Variants in SCN2A observed in about 807,000 individuals in gnomAD.
The protein encoded by SCN2A is sodium channel protein type 2 subunit alpha.
In SCN2A, 20 loss-of-function variants were observed where a neutral mutation model predicts 188.7. The ratio of observed to expected loss-of-function variants is 0.11; its 90% CI spans 0.07 to 0.15. SCN2A has a LOEUF of 0.15. SCN2A is among the 10% of genes least tolerant of loss of function. The pLI is 1.00. For synonymous variants in SCN2A, 804 were observed against 833.1 expected (o/e 0.97, Z 0.60); for missense variants, 1,278 against 2,445.0 (o/e 0.52, Z 10.07).
chr2:165,311,620 A>G (rs1697433060), intron 7 of SCN2A, among the ~76,000 whole-genome samples: 1 of 152,088 alleles, frequency 6.6e-6, no homozygotes, highest in South Asian at 2.1e-4. Context: ...TGGGGAGAAA[A>G]GTATATGTAA....
At chr2:165,354,086 T>A in intron 16 of SCN2A, 106 bp from the exon 17 acceptor site, 2 of 1,345,496 alleles carry the variant, frequency 1.5e-6, no homozygotes, top group Non-Finnish European at 2.1e-6. Flanking sequence ...CAGAAATGCA[T>A]GTTAGAATAA....
intron 1 of SCN2A, among the ~76,000 whole-genome samples, chr2:165,249,661 T>G (rs1426299540): frequency 3.9e-5 from 6 of 152,022 alleles, no homozygotes; most frequent in Non-Finnish European, 8.8e-5. Context: ...TACCTTAGTT[T>G]ATATAAATCA....
At chr2:165,315,825 T>C in intron 11 of SCN2A, 67 bp downstream of exon 11, 4 of 1,561,416 alleles carry the variant, frequency 2.6e-6, no homozygotes, top group South Asian at 1.2e-5. Context: ...CAGAATTTAA[T>C]GGAGAGAAAA....
chr2:165,345,021 T>C, intron 16 of SCN2A, 110 bp downstream of exon 16: 1 of 1,345,914 alleles, frequency 7.4e-7, no homozygotes, highest in Non-Finnish European at 1.0e-6. Flanking sequence ...CCACTTCCTA[T>C]TGTCTATTAC....
chr2:165,242,001 C>T (rs1188236838), intron 1 of SCN2A, among the ~76,000 whole-genome samples: 1 of 152,094 alleles, frequency 6.6e-6, no homozygotes. Context: ...ATAACCCAAT[C>T]TGTTTGAAGC....
intron 1 of SCN2A, among the ~76,000 whole-genome samples, chr2:165,241,809 T>TG (rs142957162): frequency 1.3e-4 from 20 of 152,144 alleles, no homozygotes; most frequent in African/African-American, 4.8e-4. Flanking sequence ...TTTCTGTCCA[T>TG]GGGGGGCTCA....
intron 1 of SCN2A, among the ~76,000 whole-genome samples, chr2:165,253,705 A>G (rs1435204805): frequency 6.6e-6 from 1 of 152,092 alleles, no homozygotes; most frequent in Non-Finnish European, 1.5e-5. Flanking sequence ...GTCACATTAC[A>G]CTACAATGAT....
chr2:165,335,462 TA>T (rs1199049152), intron 14 of SCN2A, among the ~76,000 whole-genome samples: 1 of 151,768 alleles, frequency 6.6e-6, no homozygotes, highest in East Asian at 1.9e-4. Flanking sequence ...ATATTTATGT[TA>T]AATTAATTTT....
intron 1 of SCN2A, among the ~76,000 whole-genome samples, chr2:165,252,329 TA>T (rs2106070455): frequency 6.6e-6 from 1 of 152,224 alleles, no homozygotes; most frequent in African/African-American, 2.4e-5. Context: ...TTAACTAGTA[TA>T]AATATATCAT....
intron 1 of SCN2A, among the ~76,000 whole-genome samples, chr2:165,263,661 T>A (rs1694707144): frequency 6.6e-6 from 1 of 152,108 alleles, no homozygotes; most frequent in South Asian, 2.1e-4. Flanking sequence ...GCCTCCAAAT[T>A]TGTTCTTTCT....
intron 11 of SCN2A, among the ~76,000 whole-genome samples, chr2:165,320,665 G>T (rs1244311799): frequency 2.0e-5 from 3 of 152,306 alleles, no homozygotes; most frequent in South Asian, 2.1e-4. Context: ...AGCTGCCAAG[G>T]CTTGAGGCTT....
At chr2:165,247,214 T>A (rs1693885587) in intron 1 of SCN2A, among the ~76,000 whole-genome samples, 1 of 152,232 alleles carries the variant, frequency 6.6e-6, no homozygotes, top group African/African-American at 2.4e-5. Context: ...TTTAGCTCTT[T>A]ATTATATTTG....
At chr2:165,348,553 C>T (rs748723909) in intron 16 of SCN2A, among the ~76,000 whole-genome samples, 3 of 151,984 alleles carry the variant, frequency 2.0e-5, no homozygotes, top group Non-Finnish European at 4.4e-5. Flanking sequence ...TAACAAGAAA[C>T]ATAAACAGTG....
At chr2:165,319,530 T>C (rs1697960104) in intron 11 of SCN2A, among the ~76,000 whole-genome samples, 1 of 152,174 alleles carries the variant, frequency 6.6e-6, no homozygotes, top group Non-Finnish European at 1.5e-5. Flanking sequence ...TTCATGCTGC[T>C]GATAAAGTTA....
Position 165,310,505 on chromosome 2 carries a change from T to C in SCN2A, c.880T>C (p.Ser294Pro). Reference sequence around the variant, plus strand: ...TTCTTCCTTTGAAATAAATATCACTTCCTTCTTTAACAATTCATTGGATGG... The same window carrying C: ...TTCTTCCTTTGAAATAAATATCACTCCCTTCTTTAACAATTCATTGGATGG... ...DNSSFEINIT[S>P]FFNNSLDGNG... is the part of the protein sequence containing the mutation. Residue 294 changes from serine to proline, a missense_variant, in exon 7 of 27, where the codon TCC becomes CCC. Around this residue, in one of 17 missense-constraint regions of SCN2A, gnomAD observed 45 missense variants for 58.1 expected, o/e 0.77. Transcript: ENST00000375437. 1.2e-6 allele frequency: 2 copies of C among 1,613,360 alleles called. No homozygotes were observed. Among genetic ancestry groups the C allele is most frequent in the Non-Finnish European group, 1.7e-6 (2 of 1,179,422 alleles).
At chr2:165,356,957 G>A (rs1340945945) in intron 17 of SCN2A, among the ~76,000 whole-genome samples, 4 of 152,170 alleles carry the variant, frequency 2.6e-5, no homozygotes, top group African/African-American at 9.6e-5. Context: ...GAAGAGAACT[G>A]ACCTGCCAGG....
At chr2:165,246,613 A>C (rs1693858392) in intron 1 of SCN2A, among the ~76,000 whole-genome samples, 1 of 152,162 alleles carries the variant, frequency 6.6e-6, no homozygotes. Flanking sequence ...TATTCATAAA[A>C]GTCACTCCTT....
intron 1 of SCN2A, among the ~76,000 whole-genome samples, chr2:165,256,079 C>T (rs1429896559): frequency 2.1e-5 from 3 of 145,456 alleles, no homozygotes; most frequent in East Asian, 2.1e-4. Context: ...AGTCTCGGCT[C>T]ACTACAACCT....
chr2:165,270,270 C>T (rs1339991917), intron 1 of SCN2A: 2 of 151,736 alleles, frequency 1.3e-5, no homozygotes, highest in African/African-American at 2.4e-5. Flanking sequence ...TGTGCTCTTC[C>T]GTTCTATTTT....
Sources: allele counts gnomAD v4.1 joint callset (sites outside exome capture counted in the v4.1 genomes callset), GRCh38; gene constraint gnomAD v4.1.1; regional missense constraint gnomAD v4.1.1; transcripts MANE v1.5; gene names NCBI Gene and HGNC (gene_info 2026-07-23, HGNC 2026-07-21).